Variants in RIN2 observed in about 807,000 individuals in gnomAD.
RIN2 encodes RAB5 interacting protein 2.
Under a neutral mutation model 78.0 loss-of-function variants are expected in RIN2, and 36 were observed. That is an observed-to-expected ratio of 0.46 (90% CI 0.35 to 0.61). The LOEUF (loss-of-function observed/expected upper bound fraction) is 0.61, where lower values mean the gene tolerates loss of function less well. RIN2 is among the 20% of genes least tolerant of loss of function. The pLI is 0.00. For synonymous variants in RIN2, 466 were observed against 466.8 expected, an observed-to-expected ratio of 1.00 and a Z score of 0.02; for missense variants, 1,087 against 1,159.7, an observed-to-expected ratio of 0.94 and a Z score of 0.91.
At position 19,832,554 on chromosome 20, in the gene RIN2, C is replaced by A. The variant is rs2036281571; in HGVS notation, c.-37+32807C>A. Among the ~76,000 whole-genome samples the A allele has an allele frequency of 2.6e-5, 4 of 151,862 alleles. No individual in the cohort carries two copies. In the South Asian group the frequency reaches 8.3e-4, roughly 32 times the overall value. ...TGCTCCCACCCTCCGGGCCATGACC[C>A]ACCAGCCCTGATCACCCCGGGGCCA... On this transcript the variant is annotated intron_variant, in intron 2 of 12. Transcript: ENST00000255006.
chr20:19,869,692 C>G (rs894350958), intron 2 of RIN2, among the ~76,000 whole-genome samples: 1 of 151,452 alleles, frequency 6.6e-6, no homozygotes, highest in Non-Finnish European at 1.5e-5. Flanking sequence ...GTGGTGCAAT[C>G]ACAGCTACTG....
intron 2 of RIN2, among the ~76,000 whole-genome samples, chr20:19,806,927 A>G (rs2035428921): frequency 6.6e-6 from 1 of 152,216 alleles, no homozygotes; most frequent in African/African-American, 2.4e-5. Flanking sequence ...AGCTCATGCA[A>G]ACAGAGGTTA....
chr20:19,956,880 G>T, intron 5 of RIN2, 73 bp downstream of exon 5: 1 of 1,310,594 alleles, frequency 7.6e-7, no homozygotes, highest in Non-Finnish European at 1.0e-6. Flanking sequence ...AACACTTGGA[G>T]TTAGTTCCAG....
At chr20:19,896,941 A>G (rs1161023789) in intron 3 of RIN2, among the ~76,000 whole-genome samples, 2 of 152,228 alleles carry the variant, frequency 1.3e-5, no homozygotes, top group African/African-American at 2.4e-5. Flanking sequence ...ATAAAAAAGT[A>G]TTAATCAGAT....
At chr20:19,897,898 G>A (rs1157425050) in intron 3 of RIN2, among the ~76,000 whole-genome samples, 1 of 152,094 alleles carries the variant, frequency 6.6e-6, no homozygotes, top group African/African-American at 2.4e-5. Context: ...AGTTTTTGTA[G>A]AGACAGGGTC....
intron 2 of RIN2, among the ~76,000 whole-genome samples, chr20:19,808,290 T>C (rs1311046009): frequency 6.6e-6 from 1 of 152,202 alleles, no homozygotes; most frequent in Admixed American, 6.5e-5. Flanking sequence ...TCCCTGAGCC[T>C]GGTCCCCAGC....
intron 4 of RIN2, among the ~76,000 whole-genome samples, chr20:19,940,411 T>TA (rs1300207492): frequency 6.6e-6 from 1 of 152,212 alleles, no homozygotes; most frequent in Admixed American, 6.5e-5. Flanking sequence ...GTGACAGGCC[T>TA]AAGGCTTCCT....
intron 7 of RIN2, among the ~76,000 whole-genome samples, chr20:19,970,457 C>A (rs1370653754): frequency 6.6e-6 from 1 of 152,224 alleles, no homozygotes; most frequent in African/African-American, 2.4e-5. Flanking sequence ...CCTGCCCAGG[C>A]AGTTTCGGCC....
chr20:19,794,959 G>A (rs191631238), intron 1 of RIN2, among the ~76,000 whole-genome samples: 1 of 152,304 alleles, frequency 6.6e-6, no homozygotes, highest in Non-Finnish European at 1.5e-5. Context: ...CACTTCAGTT[G>A]TCTTTAGAGA....
chr20:19,872,333 A>G (rs1446553559), intron 2 of RIN2: 1 of 152,190 alleles, frequency 6.6e-6, no homozygotes, highest in Non-Finnish European at 1.5e-5. Flanking sequence ...GACTAATACC[A>G]TGGGCTTGAG....
At chr20:19,949,104 C>T (rs537477085) in intron 4 of RIN2, among the ~76,000 whole-genome samples, 1 of 152,094 alleles carries the variant, frequency 6.6e-6, no homozygotes, top group Admixed American at 6.6e-5. Flanking sequence ...CGTGGTGAAA[C>T]CTCGTCTCTA....
At chr20:19,933,789 A>G (rs903147052) in intron 3 of RIN2, among the ~76,000 whole-genome samples, 7 of 152,096 alleles carry the variant, frequency 4.6e-5, no homozygotes, top group African/African-American at 1.7e-4. Context: ...GGACCCCTTG[A>G]TGCTCTTTAA....
At chr20:19,917,555 C>T (rs1236664783) in intron 3 of RIN2, among the ~76,000 whole-genome samples, 6 of 152,228 alleles carry the variant, frequency 3.9e-5, no homozygotes, top group East Asian at 1.9e-4. Context: ...CAGTGAGCAT[C>T]TTGACACTAA....
intron 2 of RIN2, among the ~76,000 whole-genome samples, chr20:19,841,331 C>G (rs1423145493): frequency 6.6e-6 from 1 of 151,992 alleles, no homozygotes; most frequent in Admixed American, 6.5e-5. Flanking sequence ...GCAGTGCTGG[C>G]TTGAACATGA....
chr20:19,933,728 CAA>C (rs750502227), intron 3 of RIN2, among the ~76,000 whole-genome samples: 36 of 152,308 alleles, frequency 2.4e-4, no homozygotes, highest in Admixed American at 1.4e-3. Context: ...CTACCTGAGA[CAA>C]GACAACATTT....
intron 2 of RIN2, among the ~76,000 whole-genome samples, chr20:19,810,645 C>A (rs1358966977): frequency 6.8e-6 from 1 of 146,804 alleles, no homozygotes; most frequent in African/African-American, 2.5e-5. Context: ...GCTGAAATTG[C>A]TCTTATTGAA....
chr20:19,758,956 G>C (rs1350232620), intron 1 of RIN2, among the ~76,000 whole-genome samples: 6 of 152,232 alleles, frequency 3.9e-5, no homozygotes, highest in African/African-American at 1.4e-4. Flanking sequence ...CGCGGTGATT[G>C]ATGGCTGCGC....
At chr20:19,911,120 G>A (rs368480248) in intron 3 of RIN2, among the ~76,000 whole-genome samples, 12 of 151,602 alleles carry the variant, frequency 7.9e-5, no homozygotes, top group Non-Finnish European at 1.6e-4. Context: ...GTGCAAACTC[G>A]ACTCACTGCA....
At chr20:19,892,457 A>G (rs1209741455) in intron 3 of RIN2, among the ~76,000 whole-genome samples, 1 of 151,896 alleles carries the variant, frequency 6.6e-6, no homozygotes, top group Middle Eastern at 3.2e-3. Context: ...CTCGTGATCC[A>G]CCCGCCTCAG....
Sources: allele counts gnomAD v4.1 joint callset (sites outside exome capture counted in the v4.1 genomes callset), GRCh38; gene constraint gnomAD v4.1.1; transcripts MANE v1.5; gene names NCBI Gene and HGNC (gene_info 2026-07-23, HGNC 2026-07-21).